The following PRKG1 variants were observed in gnomAD, a reference collection of about 807,000 sequenced individuals.
PRKG1 encodes the protein cGMP-dependent protein kinase 1.
A neutral mutation model predicts 88.1 loss-of-function variants in PRKG1; 35 were observed. The ratio of observed to expected loss-of-function variants is 0.40; its 90% CI spans 0.30 to 0.53. The LOEUF (loss-of-function observed/expected upper bound fraction) is 0.53. PRKG1 is among the 20% of genes least tolerant of loss of function. PRKG1 has a pLI of 0.59. For synonymous variants in PRKG1, 303 were observed against 292.5 expected, an observed-to-expected ratio of 1.04 and a Z score of -0.37; for missense variants, 540 against 839.8, an observed-to-expected ratio of 0.64 and a Z score of 4.41.
chr10:51,096,204 A>G (rs2131873301), intron 1 of PRKG1, among the ~76,000 whole-genome samples: 1 of 152,268 alleles, frequency 6.6e-6, no homozygotes, highest in African/African-American at 2.4e-5. Context: ...AGGTGAAAGA[A>G]GGAAAGATAG....
At position 52,183,429 on chromosome 10, in the gene PRKG1, G is replaced by T. The variant is rs191595393; in HGVS notation, c.1076+21466G>T. On this transcript the variant is annotated intron_variant, in intron 9 of 17. Coordinates refer to ENST00000373980, the MANE Select transcript of PRKG1 (RefSeq NM_006258.4). ...GCACAAGGAGACCTCTCCCATTTGG[G>T]GAAGGGCCACAGCATTTTGGCTGTC... 3.3e-3 allele frequency among the ~76,000 whole-genome samples: 509 copies of T among 152,318 alleles called. 3 individuals carry two copies. The highest frequency in any genetic ancestry group is 6.2e-3 in the Non-Finnish European group (422 of 68,028).
intron 3 of PRKG1, among the ~76,000 whole-genome samples, chr10:51,799,074 G>C (rs772251480): frequency 6.6e-6 from 1 of 151,876 alleles, no homozygotes; most frequent in Non-Finnish European, 1.5e-5. Context: ...AATTCCAAGA[G>C]CTGCTAACTA....
intron 3 of PRKG1, among the ~76,000 whole-genome samples, chr10:51,580,615 T>C (rs1392304554): frequency 1.3e-5 from 2 of 152,142 alleles, no homozygotes; most frequent in Non-Finnish European, 2.9e-5. Flanking sequence ...TTACCTACAT[T>C]AGCTTAATAT....
intron 3 of PRKG1, among the ~76,000 whole-genome samples, chr10:51,551,622 C>T (rs962731011): frequency 6.6e-5 from 10 of 151,582 alleles, no homozygotes; most frequent in Non-Finnish European, 1.3e-4. Flanking sequence ...TGGAAGGATT[C>T]AATTTAGAAA....
chr10:51,360,218 A>T (rs540922609), intron 2 of PRKG1, among the ~76,000 whole-genome samples: 14 of 152,038 alleles, frequency 9.2e-5, no homozygotes, highest in African/African-American at 2.6e-4. Flanking sequence ...CTGGAGATGT[A>T]TGAATTCACT....
chr10:51,977,743 A>G lies in PRKG1; in HGVS notation c.762+70173A>G, dbSNP rs574932300. On this transcript the variant is annotated intron_variant, in intron 5 of 17. Coordinates refer to ENST00000373980, the MANE Select transcript of PRKG1 (RefSeq NM_006258.4). ...CAGTGATACTGAGCTTTTTTTTCATATGCTTATTGGCTGAATATGTGTCTT... is the reference window on the plus strand; with the variant it reads ...CAGTGATACTGAGCTTTTTTTTCATGTGCTTATTGGCTGAATATGTGTCTT... Among the ~76,000 whole-genome samples the G allele has an allele frequency of 3.0e-3, 449 of 151,914 alleles. 4 individuals carry two copies. The highest frequency in any genetic ancestry group is 0.01 in the African/African-American group (428 of 41,478).
chr10:52,022,040 T>C (rs1845199794), intron 5 of PRKG1, among the ~76,000 whole-genome samples: 1 of 152,340 alleles, frequency 6.6e-6, no homozygotes, highest in South Asian at 2.1e-4. Flanking sequence ...TACAATGGTG[T>C]GAAAGCAATA....
At chr10:51,857,659 C>T (rs546442439) in intron 4 of PRKG1, among the ~76,000 whole-genome samples, 170 of 152,174 alleles carry the variant, frequency 1.1e-3, no homozygotes, top group Non-Finnish European at 2.0e-3. Context: ...TTTTCCAGGG[C>T]AATCAGCGGA....
intron 7 of PRKG1, among the ~76,000 whole-genome samples, chr10:52,092,801 G>T (rs548475360): frequency 6.6e-6 from 1 of 152,196 alleles, no homozygotes; most frequent in Non-Finnish European, 1.5e-5. Context: ...CCATTGGGAA[G>T]ATTGTTAAGA....
At chr10:51,510,015 T>C (rs1257924814) in intron 3 of PRKG1, among the ~76,000 whole-genome samples, 1 of 152,196 alleles carries the variant, frequency 6.6e-6, no homozygotes, top group Non-Finnish European at 1.5e-5. Flanking sequence ...GCATTTAATA[T>C]GGAAGTCCAT....
chr10:52,155,438 C>T (rs1277065526), intron 8 of PRKG1, among the ~76,000 whole-genome samples: 2 of 151,750 alleles, frequency 1.3e-5, no homozygotes, highest in East Asian at 1.9e-4. Flanking sequence ...ACAAAAAAAT[C>T]GAGAAGTTTA....
chr10:51,071,519 A>G (rs994746515), upstream of PRKG1, among the ~76,000 whole-genome samples: 1 of 152,224 alleles, frequency 6.6e-6, no homozygotes, highest in Non-Finnish European at 1.5e-5. Flanking sequence ...TGTGTTTGTT[A>G]TAACAGATTC....
intron 2 of PRKG1, among the ~76,000 whole-genome samples, chr10:51,301,147 G>C (rs1313486758): frequency 2.0e-5 from 3 of 152,110 alleles, no homozygotes; most frequent in Non-Finnish European, 4.4e-5. Context: ...GAAAGAAACT[G>C]GCCGTCCAAA....
At chr10:51,666,998 A>G (rs1278553909) in intron 3 of PRKG1, among the ~76,000 whole-genome samples, 2 of 151,988 alleles carry the variant, frequency 1.3e-5, no homozygotes. Flanking sequence ...TGGTTTCACC[A>G]TGTTGGTTGG....
At chr10:51,645,918 A>G (rs2132305096) in intron 3 of PRKG1, among the ~76,000 whole-genome samples, 1 of 152,322 alleles carries the variant, frequency 6.6e-6, no homozygotes, top group Non-Finnish European at 1.5e-5. Context: ...ATTTAGAAAA[A>G]TTAAAAAAAT....
At chr10:52,195,227 GTTTTTGT>G (rs759619441) in intron 9 of PRKG1, among the ~76,000 whole-genome samples, 1 of 4,092 alleles carries the variant, frequency 2.4e-4, no homozygotes, top group Non-Finnish European at 5.6e-4. Flanking sequence ...CATGTTTCCT[GTTTTTGT>G]TTTTTTTTTT....
chr10:52,021,979 T>C lies in PRKG1; in HGVS notation c.763-32505T>C, dbSNP rs116278779. On this transcript the variant is annotated intron_variant, in intron 5 of 17. Coordinates refer to ENST00000373980, the MANE Select transcript of PRKG1 (RefSeq NM_006258.4). ...ACTGCACTAAACGTAACTTGTCATATAATTTGCTATGCAGACAGTCCTCAT... is the reference window on the plus strand; with the variant it reads ...ACTGCACTAAACGTAACTTGTCATACAATTTGCTATGCAGACAGTCCTCAT... Among the ~76,000 whole-genome samples the C allele has an allele frequency of 8.5e-3, 1,295 of 152,330 alleles. 12 individuals carry two copies. The highest frequency in any genetic ancestry group is 0.028 in the African/African-American group (1,179 of 41,568).
At chr10:51,971,149 G>A (rs926551231) in intron 5 of PRKG1, among the ~76,000 whole-genome samples, 77 of 151,960 alleles carry the variant, frequency 5.1e-4, no homozygotes, top group African/African-American at 1.8e-3. Flanking sequence ...TGTCAGAATA[G>A]TTTTTACTTT....
chr10:52,200,825 T>A (rs1007809281), intron 9 of PRKG1, among the ~76,000 whole-genome samples: 3 of 152,318 alleles, frequency 2.0e-5, no homozygotes, highest in East Asian at 3.9e-4. Flanking sequence ...GAGCATTTTT[T>A]TCTTATGCTT....
Sources: gnomAD v4.1 joint callset for allele counts (sites outside exome capture counted in the v4.1 genomes callset) on GRCh38, gnomAD v4.1.1 for gene constraint, MANE v1.5 for transcripts, NCBI Gene and HGNC (gene_info 2026-07-23, HGNC 2026-07-21) for gene names.